Variants in MTUS2 observed in about 807,000 individuals in gnomAD.
MTUS2 encodes microtubule associated scaffold protein 2.
A neutral mutation model predicts 114.1 loss-of-function variants in MTUS2; 40 were observed. That is an observed-to-expected ratio of 0.35 (90% CI 0.27 to 0.46). The LOEUF is 0.46. Ranked by LOEUF, MTUS2 falls within the 20% of genes least tolerant of loss-of-function variation. The pLI is 1.00. For synonymous variants in MTUS2, 688 were observed against 672.0 expected (o/e 1.02, Z -0.37); for missense variants, 1,679 against 1,705.4 (o/e 0.98, Z 0.27).
chr13:29,309,153 A>G (rs1301240563), intron 6 of MTUS2, among the ~76,000 whole-genome samples: 1 of 152,196 alleles, frequency 6.6e-6, no homozygotes. Flanking sequence ...ACCCTTCACA[A>G]TAGCAAAGAC....
chr13:29,017,470 A>G (rs910563743), intron 2 of MTUS2, among the ~76,000 whole-genome samples: 1 of 152,258 alleles, frequency 6.6e-6, no homozygotes, highest in Non-Finnish European at 1.5e-5. Flanking sequence ...GTACAACCGT[A>G]CTTCTCAATC....
At chr13:29,194,180 A>G (rs545129510) in intron 5 of MTUS2, among the ~76,000 whole-genome samples, 45 of 151,794 alleles carry the variant, frequency 3.0e-4, no homozygotes, top group African/African-American at 1.0e-3. Context: ...GGACATAGGC[A>G]TGGGCAAGGA....
intron 3 of MTUS2, among the ~76,000 whole-genome samples, chr13:29,027,538 T>C (rs369196244): frequency 6.6e-6 from 1 of 152,096 alleles, no homozygotes; most frequent in East Asian, 1.9e-4. Flanking sequence ...TTTTTGTTTG[T>C]TTATGTTTTT....
At chr13:29,408,873 G>T (rs1430840637) in intron 8 of MTUS2, among the ~76,000 whole-genome samples, 5 of 152,122 alleles carry the variant, frequency 3.3e-5, no homozygotes, top group Non-Finnish European at 5.9e-5. Context: ...CACAGGGTTT[G>T]TTCTAGTGTG....
intron 8 of MTUS2, chr13:29,428,729 A>G (rs1876757095): frequency 1.9e-6 from 3 of 1,562,056 alleles, no homozygotes; most frequent in Non-Finnish European, 2.6e-6. Flanking sequence ...ACCACATGGA[A>G]GTTGTGACAG....
At chr13:28,822,611 A>G (rs1873984622) in intron 1 of MTUS2, among the ~76,000 whole-genome samples, 1 of 152,170 alleles carries the variant, frequency 6.6e-6, no homozygotes, top group South Asian at 2.1e-4. Context: ...CCTCCGTCAC[A>G]GAGGCTTCTT....
chr13:29,115,762 G>T (rs1891061181), intron 5 of MTUS2, among the ~76,000 whole-genome samples: 1 of 152,200 alleles, frequency 6.6e-6, no homozygotes, highest in Non-Finnish European at 1.5e-5. Flanking sequence ...AAACTAACTG[G>T]CTGGGTGGCC....
intron 2 of MTUS2, among the ~76,000 whole-genome samples, chr13:28,923,177 T>C (rs913922277): frequency 1.3e-4 from 20 of 152,236 alleles, no homozygotes; most frequent in African/African-American, 4.8e-4. Context: ...TTTTATTTGT[T>C]TTATTAGAAT....
chr13:29,333,675 T>C (rs1900908926), intron 7 of MTUS2, among the ~76,000 whole-genome samples: 1 of 152,084 alleles, frequency 6.6e-6, no homozygotes, highest in African/African-American at 2.4e-5. Flanking sequence ...TGATTTGGGG[T>C]GGAGAGTTCT....
chr13:29,375,640 CACACA>C (rs1871660535), intron 8 of MTUS2, among the ~76,000 whole-genome samples: 1 of 4,406 alleles, frequency 2.3e-4, no homozygotes, highest in Admixed American at 4.0e-3. Context: ...TATATATATA[CACACA>C]CCATGAAATA....
intron 5 of MTUS2, among the ~76,000 whole-genome samples, chr13:29,112,392 G>A (rs1890916172): frequency 1.3e-5 from 2 of 152,164 alleles, no homozygotes; most frequent in Admixed American, 6.5e-5. Context: ...GGGCTGAGAT[G>A]TTTTGATATT....
intron 2 of MTUS2, among the ~76,000 whole-genome samples, chr13:28,907,294 A>C (rs934195983): frequency 6.6e-6 from 1 of 151,704 alleles, no homozygotes; most frequent in African/African-American, 2.4e-5. Context: ...GCCACTGCAA[A>C]AACATGCAGA....
intron 2 of MTUS2, among the ~76,000 whole-genome samples, chr13:28,967,677 G>A (rs1883659936): frequency 1.3e-5 from 2 of 152,120 alleles, no homozygotes; most frequent in South Asian, 2.1e-4. Flanking sequence ...TTAGAGCTCC[G>A]TGGCCCTTCT....
At chr13:28,830,122 A>G (rs901781249) in intron 1 of MTUS2, among the ~76,000 whole-genome samples, 1 of 152,234 alleles carries the variant, frequency 6.6e-6, no homozygotes. Flanking sequence ...TAGACTTTAC[A>G]TAATTAGTCT....
intron 2 of MTUS2, among the ~76,000 whole-genome samples, chr13:28,935,026 T>G (rs1041087301): frequency 4.1e-5 from 6 of 148,026 alleles, no homozygotes; most frequent in Admixed American, 1.3e-4. Context: ...TTTTTTTTTT[T>G]TTTTTTTGCC....
intron 5 of MTUS2, among the ~76,000 whole-genome samples, chr13:29,186,342 A>G (rs1593575045): frequency 6.6e-6 from 1 of 152,390 alleles, no homozygotes; most frequent in East Asian, 1.9e-4. Context: ...CTGAATTAAA[A>G]AATGATCCAA....
intron 9 of MTUS2, among the ~76,000 whole-genome samples, chr13:29,445,796 T>C (rs543633804): frequency 2.0e-5 from 3 of 152,000 alleles, no homozygotes; most frequent in African/African-American, 7.2e-5. Flanking sequence ...TAATCCCAGC[T>C]ACTCGGGAGG....
intron 2 of MTUS2, among the ~76,000 whole-genome samples, chr13:28,860,901 G>A (rs1196175615): frequency 1.3e-5 from 2 of 152,224 alleles, no homozygotes; most frequent in Non-Finnish European, 2.9e-5. Context: ...CCTGAGAACA[G>A]AACCTCGCCA....
In MTUS2 at chr13:29,361,470, A is replaced by T. The variant is rs182089098; in HGVS notation, c.3117+1997A>T. Reference sequence around the variant, plus strand: ...ACAGAAGATAAAATGTTTTTTTTTTAAAAAGTTAAAGTCCTAATTGAACAT... The same window carrying T: ...ACAGAAGATAAAATGTTTTTTTTTTTAAAAGTTAAAGTCCTAATTGAACAT... On this transcript the variant is annotated intron_variant, in intron 8 of 15. Transcript: ENST00000612955. Among the ~76,000 whole-genome samples the T allele has an allele frequency of 4.6e-3, 698 of 151,462 alleles. 2 individuals are homozygous for T. The highest frequency in any genetic ancestry group is 0.012 in the East Asian group (64 of 5,158).
Sources: allele counts gnomAD v4.1 joint callset (sites outside exome capture counted in the v4.1 genomes callset), GRCh38; gene constraint gnomAD v4.1.1; transcripts MANE v1.5; gene names NCBI Gene and HGNC (gene_info 2026-07-23, HGNC 2026-07-21).